Variants in RBFOX1 observed in about 807,000 individuals in gnomAD.
RBFOX1 encodes the protein RNA binding protein fox-1 homolog 1.
Under a neutral mutation model 57.7 loss-of-function variants are expected in RBFOX1, and 8 were observed. The observed-to-expected ratio is 0.14, with a 90% CI of 0.08 to 0.25. The LOEUF is 0.25. Ranked by LOEUF, RBFOX1 falls within the 10% of genes least tolerant of loss-of-function variation. The pLI is 1.00. For synonymous variants in RBFOX1, 326 were observed against 222.4 expected, an observed-to-expected ratio of 1.47 and a Z score of -4.15; for missense variants, 611 against 548.5, an observed-to-expected ratio of 1.11 and a Z score of -1.14.
chr16:7,248,732 T>C (rs759121983), intron 4 of RBFOX1, among the ~76,000 whole-genome samples: 2 of 152,218 alleles, frequency 1.3e-5, no homozygotes, highest in Non-Finnish European at 2.9e-5. Context: ...CCAGAGATAA[T>C]GTGAATTAGC....
intron 2 of RBFOX1, among the ~76,000 whole-genome samples, chr16:6,539,598 G>T (rs922240688): frequency 3.3e-5 from 5 of 152,038 alleles, no homozygotes; most frequent in Non-Finnish European, 7.3e-5. Flanking sequence ...GGGAGTTCAA[G>T]ACCAGCCTGC....
At position 7,385,915 on chromosome 16, in the gene RBFOX1, GTTACTTATTTATTTATTTATTTAT is replaced by G. The variant is rs1327012746; in HGVS notation, c.28-132228_28-132205del. Among the ~76,000 whole-genome samples the G allele has an allele frequency of 5.4e-4, 48 of 88,966 alleles. 1 individual carries two copies. The highest frequency in any genetic ancestry group is 2.3e-4 in the Non-Finnish European group (10 of 42,898). The allele number at this position is 88,966 out of a possible 152,430, so 58.4% of individuals were successfully genotyped here. On this transcript the variant is annotated intron_variant, in intron 4 of 15. Coordinates refer to ENST00000550418, the MANE Select transcript of RBFOX1 (RefSeq NM_018723.4). ...TTACAGGCACATGCCACCATGCCCA[GTTACTTATTTATTTATTTATTTAT>G]TTATTTATTTATTTATTTATTTTTT...
chr16:7,553,627 T>A (rs1428845647), intron 5 of RBFOX1, among the ~76,000 whole-genome samples: 1 of 152,156 alleles, frequency 6.6e-6, no homozygotes, highest in Non-Finnish European at 1.5e-5. Context: ...CCAGTGCACT[T>A]GAAAGGTGCA....
At chr16:7,003,193 G>T (rs921673173) in intron 3 of RBFOX1, among the ~76,000 whole-genome samples, 1 of 152,118 alleles carries the variant, frequency 6.6e-6, no homozygotes, top group Non-Finnish European at 1.5e-5. Flanking sequence ...AGGCACGGTG[G>T]CTCACGCCTG....
rs1248173176 is a variant in RBFOX1, at chr16:6,886,772, A to G, written c.-15-165285A>G. Among the ~76,000 whole-genome samples, 5 of 142,086 alleles carry G rather than the reference A, an allele frequency of 3.5e-5. No individual in the cohort carries two copies. In the South Asian group the frequency reaches 9.1e-4, roughly 26 times the overall value. The allele number at this position is 142,086 out of a possible 152,430, so 93.2% of individuals were successfully genotyped here. On this transcript the variant is annotated intron_variant, in intron 3 of 15. Transcript: ENST00000550418. ...TCTATCTGAAAAAAACAAAAACAAA[A>G]CAAAACAAAACAAAAAAAAAACCAG...
At chr16:5,772,169 CTAAA>C (rs1438485615) in intron 3 of RBFOX1, among the ~76,000 whole-genome samples, 1 of 152,050 alleles carries the variant, frequency 6.6e-6, no homozygotes, top group African/African-American at 2.4e-5. Flanking sequence ...AAGACTCTGT[CTAAA>C]TAAATAAAAA....
intron 3 of RBFOX1, among the ~76,000 whole-genome samples, chr16:5,751,708 GA>G (rs2053212704): frequency 6.6e-6 from 1 of 152,164 alleles, no homozygotes; most frequent in African/African-American, 2.4e-5. Flanking sequence ...GTTAGCTGTA[GA>G]ATATCCACTA....
chr16:7,267,484 C>A (rs987310032), intron 4 of RBFOX1, among the ~76,000 whole-genome samples: 1 of 151,922 alleles, frequency 6.6e-6, no homozygotes, highest in East Asian at 1.9e-4. Flanking sequence ...TGCAGCGAGC[C>A]AAGGTTGCAC....
chr16:6,310,553 C>T (rs554018469), intron 1 of RBFOX1, among the ~76,000 whole-genome samples: 3 of 141,874 alleles, frequency 2.1e-5, no homozygotes, highest in Non-Finnish European at 3.2e-5. Flanking sequence ...ATTATTATAC[C>T]CATTCTATGG....
intron 2 of RBFOX1, among the ~76,000 whole-genome samples, chr16:6,608,878 C>T (rs1474998404): frequency 6.6e-6 from 1 of 152,150 alleles, no homozygotes; most frequent in Non-Finnish European, 1.5e-5. Context: ...CTGTTTTTTT[C>T]TTGAGCCTGT....
chr16:5,401,433 C>T (rs547957288), intron 1 of RBFOX1, among the ~76,000 whole-genome samples: 1 of 152,222 alleles, frequency 6.6e-6, no homozygotes, highest in African/African-American at 2.4e-5. Flanking sequence ...CCCATCAGGT[C>T]TTATGCCATT....
chr16:6,992,758 G>T (rs1489153833), intron 3 of RBFOX1, among the ~76,000 whole-genome samples: 3 of 149,746 alleles, frequency 2.0e-5, no homozygotes, highest in African/African-American at 7.4e-5. Context: ...ATCTACCCAA[G>T]GTCACTTGTG....
intron 9 of RBFOX1, among the ~76,000 whole-genome samples, chr16:7,603,432 CAAAG>C (rs2095141260): frequency 6.6e-6 from 1 of 151,784 alleles, no homozygotes; most frequent in Non-Finnish European, 1.5e-5. Flanking sequence ...CAAGAGCAAG[CAAAG>C]AAAGAAAGAA....
At chr16:7,306,161 G>T (rs912450725) in intron 4 of RBFOX1, among the ~76,000 whole-genome samples, 4 of 151,978 alleles carry the variant, frequency 2.6e-5, no homozygotes, top group Admixed American at 6.6e-5. Context: ...TTGTGTGGTG[G>T]TGTTTGTGTT....
intron 4 of RBFOX1, among the ~76,000 whole-genome samples, chr16:5,868,022 T>C (rs1255392992): frequency 2.6e-5 from 4 of 152,142 alleles, no homozygotes; most frequent in Non-Finnish European, 4.4e-5. Context: ...TGTTTTTCTT[T>C]CTCTACTCAG....
intron 4 of RBFOX1, among the ~76,000 whole-genome samples, chr16:7,095,361 C>G (rs541286533): frequency 6.6e-6 from 1 of 152,318 alleles, no homozygotes; most frequent in African/African-American, 2.4e-5. Flanking sequence ...TGGTCTCGAA[C>G]TCCTGACCTC....
chr16:7,075,264 A>C (rs755963539), intron 4 of RBFOX1, among the ~76,000 whole-genome samples: 2 of 152,236 alleles, frequency 1.3e-5, no homozygotes, highest in Non-Finnish European at 2.9e-5. Context: ...GTGATGATCA[A>C]ACCGTCTTCA....
chr16:7,647,521 GTGAGT>G (rs2063984757), intron 11 of RBFOX1, among the ~76,000 whole-genome samples: 1 of 149,336 alleles, frequency 6.7e-6, no homozygotes, highest in Non-Finnish European at 1.5e-5. Flanking sequence ...CTGCTTACAT[GTGAGT>G]TAACTTGAAA....
chr16:6,390,919 G>A (rs11866693), intron 2 of RBFOX1, among the ~76,000 whole-genome samples: 3,070 of 152,170 alleles, frequency 0.02, 117 homozygotes, highest in African/African-American at 0.069. Flanking sequence ...TTGTGGGGCC[G>A]GGTTTCTCAA....
Sources: gnomAD v4.1 joint callset for allele counts (sites outside exome capture counted in the v4.1 genomes callset) on GRCh38, gnomAD v4.1.1 for gene constraint, MANE v1.5 for transcripts, NCBI Gene and HGNC (gene_info 2026-07-23, HGNC 2026-07-21) for gene names.